PLAAT1: variants seen among roughly 807,000 people sequenced by gnomAD.
PLAAT1 encodes H-REV107 protein-related protein.
In PLAAT1, 13 loss-of-function variants were observed where a neutral mutation model predicts 16.4. That is an observed-to-expected ratio of 0.79 (90% CI 0.52 to 1.26). The LOEUF is 1.26. Ranked by LOEUF, PLAAT1 falls within the 50% of genes most tolerant of loss-of-function variation. PLAAT1 has a pLI of 0.00. For missense variants in PLAAT1, 218 were observed against 207.8 expected (o/e 1.05, Z -0.30); for synonymous variants, 73 against 78.4 (o/e 0.93, Z 0.36).
chr3:193,253,937 T>C (rs1245699193), intron 1 of PLAAT1, among the ~76,000 whole-genome samples: 1 of 152,148 alleles, frequency 6.6e-6, no homozygotes, highest in Admixed American at 6.5e-5. Flanking sequence ...CAAATGGTGG[T>C]TATTATTTTA....
chr3:193,271,796 G>A (rs113537816), downstream of PLAAT1, among the ~76,000 whole-genome samples: 1,296 of 152,170 alleles, frequency 8.5e-3, 22 homozygotes, highest in African/African-American at 0.03. Flanking sequence ...ACTGAACAGA[G>A]GACTCGGTGA....
downstream of PLAAT1, chr3:193,279,377 G>A (rs762477750): frequency 1.9e-5 from 31 of 1,612,930 alleles, no homozygotes; most frequent in Admixed American, 8.3e-5. Context: ...TCCATTCCAC[G>A]GTATATAACT....
At chr3:193,274,522 G>A (rs371514058), downstream of PLAAT1, among the ~76,000 whole-genome samples, 20 of 152,284 alleles carry the variant, frequency 1.3e-4, no homozygotes, top group African/African-American at 4.8e-4. Context: ...AGTTAGGGTT[G>A]AATTTCCGAA....
chr3:193,280,218 A>AT (rs974747027), downstream of PLAAT1, among the ~76,000 whole-genome samples: 3 of 151,352 alleles, frequency 2.0e-5, no homozygotes, highest in East Asian at 2.0e-4. Context: ...GCATGGCTAA[A>AT]TTTTTTTTGT....
intron 2 of PLAAT1, among the ~76,000 whole-genome samples, chr3:193,256,217 A>C (rs1313107762): frequency 6.6e-6 from 1 of 152,180 alleles, no homozygotes; most frequent in Non-Finnish European, 1.5e-5. Context: ...CATTTTAGTA[A>C]GCAGGGACAG....
chr3:193,256,136 C>T (rs1716363699), intron 2 of PLAAT1, among the ~76,000 whole-genome samples: 1 of 152,136 alleles, frequency 6.6e-6, no homozygotes, highest in African/African-American at 2.4e-5. Flanking sequence ...ATTTATAGAT[C>T]ACCTAGTATG....
rs115310076 is a variant in PLAAT1, at chr3:193,244,473, T to G, written c.-1+2940T>G. Among the ~76,000 whole-genome samples, 942 of 152,132 alleles carry G rather than the reference T, an allele frequency of 6.2e-3. 9 individuals are homozygous for G. Among genetic ancestry groups the G allele is most frequent in the African/African-American group, 0.021 (883 of 41,498 alleles). ...GTATAATGATATCTCATTTTGTTTT[T>G]TTTTTTTAAATTGACAATGATTTAT... On this transcript the variant is annotated intron_variant, in intron 1 of 3. Transcript: ENST00000264735.
At chr3:193,241,571 C>T (rs997840004) in intron 1 of PLAAT1, 38 bp downstream of exon 1, 3 of 1,224,726 alleles carry the variant, frequency 2.4e-6, no homozygotes, top group African/African-American at 1.6e-5. Flanking sequence ...TCGAGGCGCC[C>T]CGGCAACCAA....
downstream of PLAAT1, chr3:193,279,542 G>T: frequency 1.0e-6 from 1 of 970,758 alleles, no homozygotes; most frequent in Non-Finnish European, 1.6e-6. Flanking sequence ...ATCTCTGTTG[G>T]GCAAATACCA....
intron 3 of PLAAT1, among the ~76,000 whole-genome samples, chr3:193,269,490 G>C (rs944378745): frequency 6.6e-6 from 1 of 152,200 alleles, no homozygotes; most frequent in African/African-American, 2.4e-5. Flanking sequence ...TCCTAACAGG[G>C]AAGCTGCAGT....
chr3:193,268,549 G>T (rs1716858780), intron 3 of PLAAT1, among the ~76,000 whole-genome samples: 1 of 152,238 alleles, frequency 6.6e-6, no homozygotes, highest in East Asian at 1.9e-4. Flanking sequence ...GTTCATGTTG[G>T]TTCACCAAGA....
intron 1 of PLAAT1, among the ~76,000 whole-genome samples, chr3:193,247,844 T>C (rs1241785103): frequency 1.3e-5 from 2 of 152,206 alleles, no homozygotes; most frequent in African/African-American, 2.4e-5. Flanking sequence ...CTTTGTGATA[T>C]ATCATATGAT....
At chr3:193,276,309 A>G (rs1717197213) in intron 2 of PLAAT1, among the ~76,000 whole-genome samples, 1 of 152,246 alleles carries the variant, frequency 6.6e-6, no homozygotes, top group Non-Finnish European at 1.5e-5. Context: ...ACACCGTAAG[A>G]GGAAGACCTT....
At chr3:193,250,198 C>A (rs1042370134) in intron 1 of PLAAT1, among the ~76,000 whole-genome samples, 22 of 152,190 alleles carry the variant, frequency 1.4e-4, no homozygotes, top group Non-Finnish European at 2.6e-4. Context: ...CTTGTAAAAT[C>A]TGCTATTTTT....
At chr3:193,267,290 C>T (rs1236903018) in intron 3 of PLAAT1, among the ~76,000 whole-genome samples, 1 of 152,116 alleles carries the variant, frequency 6.6e-6, no homozygotes, top group Non-Finnish European at 1.5e-5. Flanking sequence ...TTTAAAATGA[C>T]ACAATCCATT....
chr3:193,269,990 A>G (rs1716927421), intron 3 of PLAAT1, among the ~76,000 whole-genome samples: 1 of 152,016 alleles, frequency 6.6e-6, no homozygotes, highest in South Asian at 2.1e-4. Context: ...CAGAAAAGAA[A>G]TTGTGTCTAC....
intron 2 of PLAAT1, among the ~76,000 whole-genome samples, chr3:193,262,030 G>A (rs929698238): frequency 6.6e-6 from 1 of 152,212 alleles, no homozygotes; most frequent in Non-Finnish European, 1.5e-5. Context: ...CTAAACACTA[G>A]TTATGTGGAG....
chr3:193,250,363 G>T (rs1384424080), intron 1 of PLAAT1, among the ~76,000 whole-genome samples: 1 of 152,144 alleles, frequency 6.6e-6, no homozygotes, highest in African/African-American at 2.4e-5. Flanking sequence ...GAAGCTTTGA[G>T]CAGAGTTTAA....
chr3:193,257,846 C>T (rs894906390), intron 2 of PLAAT1, among the ~76,000 whole-genome samples: 2 of 152,176 alleles, frequency 1.3e-5, no homozygotes, highest in Non-Finnish European at 2.9e-5. Context: ...GTCTTCTGGC[C>T]TCCATCTTTC....
Sources: gnomAD v4.1 joint callset for allele counts (sites outside exome capture counted in the v4.1 genomes callset) on GRCh38, gnomAD v4.1.1 for gene constraint, MANE v1.5 for transcripts, NCBI Gene and HGNC (gene_info 2026-07-23, HGNC 2026-07-21) for gene names.